The following CIMAP1B variants were observed in gnomAD, a reference collection of about 807,000 sequenced individuals.
The protein encoded by CIMAP1B is ciliary microtubule associated protein 1B, also known as orf2 5' to PD-ECGF/TP.
the CIMAP1B span, chr22:50,531,414 G>T: frequency 9.1e-7 from 1 of 1,094,398 alleles, no homozygotes; most frequent in Non-Finnish European, 1.3e-6. Context: ...GCCCCGTGGG[G>T]TTCGGGGTTT....
At chr22:50,532,142 T>C in the CIMAP1B span, 2 of 1,319,452 alleles carry the variant, frequency 1.5e-6, no homozygotes, top group African/African-American at 1.5e-5. Context: ...CCGCGGCCCC[T>C]GCACCGCAAA....
the CIMAP1B span, chr22:50,531,631 G>A: frequency 7.2e-7 from 1 of 1,387,426 alleles, no homozygotes; most frequent in Non-Finnish European, 9.3e-7. Context: ...AGTAGGCGGG[G>A]GCGCCGTCGG....
chr22:50,531,085 A>G, the CIMAP1B span: 3 of 1,597,686 alleles, frequency 1.9e-6, no homozygotes, highest in Non-Finnish European at 8.5e-7. Context: ...GCTCGGGGGT[A>G]GTGGGTCTCC....
the CIMAP1B span, chr22:50,531,165 T>C: frequency 6.3e-7 from 1 of 1,599,300 alleles, no homozygotes; most frequent in South Asian, 1.1e-5. Context: ...GGCCCACAGT[T>C]CTGGGATGGG....
At chr22:50,531,630 G>T in the CIMAP1B span, 1 of 1,387,494 alleles carries the variant, frequency 7.2e-7, no homozygotes, top group Non-Finnish European at 9.3e-7. Flanking sequence ...GAGTAGGCGG[G>T]GGCGCCGTCG....
At chr22:50,530,623 G>A in the CIMAP1B span, 1 of 1,566,912 alleles carries the variant, frequency 6.4e-7, no homozygotes, top group Non-Finnish European at 8.7e-7. Context: ...CGGGACCCCT[G>A]GACCCCCGGG....
chr22:50,531,417 C>T, the CIMAP1B span: 1 of 1,091,030 alleles, frequency 9.2e-7, no homozygotes, highest in African/African-American at 1.6e-5. Flanking sequence ...CCGTGGGGTT[C>T]GGGGTTTGGG....
At chr22:50,531,066 G>C in the CIMAP1B span, 1 of 1,607,602 alleles carries the variant, frequency 6.2e-7, no homozygotes, top group Non-Finnish European at 8.5e-7. Flanking sequence ...GACCTGGGGA[G>C]GAGGCAGGGC....
At chr22:50,530,730 C>T in the CIMAP1B span, 7 of 1,612,012 alleles carry the variant, frequency 4.3e-6, no homozygotes, top group Non-Finnish European at 5.1e-6. Context: ...CGTTGTAGGC[C>T]GCGGGCCCTG....
the CIMAP1B span, chr22:50,530,787 G>C: frequency 6.2e-7 from 1 of 1,607,286 alleles, no homozygotes; most frequent in East Asian, 2.2e-5. Flanking sequence ...CCAGAATCGT[G>C]AACTGGGGGG....
chr22:50,531,733 G>A, the CIMAP1B span: 1 of 1,370,978 alleles, frequency 7.3e-7, no homozygotes. Context: ...CGAAGGTGAA[G>A]GCGGGGGCGC....
At chr22:50,531,409 G>A in the CIMAP1B span, 4 of 1,101,312 alleles carry the variant, frequency 3.6e-6, no homozygotes, top group Non-Finnish European at 5.2e-6. Context: ...TCAAAGCCCC[G>A]TGGGGTTCGG....
At chr22:50,531,814 A>T in the CIMAP1B span, 147 of 1,344,164 alleles carry the variant, frequency 1.1e-4, no homozygotes, top group Non-Finnish European at 1.3e-4. Flanking sequence ...GCCCAGCCCC[A>T]AGCCCCATCT....
the CIMAP1B span, chr22:50,530,766 C>T: frequency 1.2e-6 from 2 of 1,608,852 alleles, no homozygotes; most frequent in East Asian, 2.2e-5. Flanking sequence ...CTTGGGGGAG[C>T]GAAGTCCGCG....
chr22:50,532,116 G>A, the CIMAP1B span: 1 of 1,339,258 alleles, frequency 7.5e-7, no homozygotes, highest in Non-Finnish European at 9.6e-7. Context: ...CAGCACCTGC[G>A]GACAGAAGGC....
the CIMAP1B span, chr22:50,531,773 C>T: frequency 1.5e-6 from 2 of 1,360,876 alleles, no homozygotes; most frequent in Non-Finnish European, 1.9e-6. Flanking sequence ...CAGGGCGTAG[C>T]CTGGGAGCAT....
the CIMAP1B span, chr22:50,530,858 AG>A: frequency 6.2e-7 from 1 of 1,604,866 alleles, no homozygotes; most frequent in Non-Finnish European, 8.5e-7. Context: ...GGGGTCTGCG[AG>A]AGGGCAGAGG....
the CIMAP1B span, chr22:50,531,992 T>G: frequency 7.4e-6 from 10 of 1,346,204 alleles, no homozygotes; most frequent in Non-Finnish European, 9.6e-6. Context: ...CAGCTTGTAT[T>G]TGGGCCCGGG....
chr22:50,531,549 C>T, the CIMAP1B span: 10 of 1,413,934 alleles, frequency 7.1e-6, no homozygotes, highest in Non-Finnish European at 9.2e-6. Context: ...TTGGGGTGGC[C>T]AGGGGCCCGG....
Sources: allele counts gnomAD v4.1 joint callset, GRCh38; gene constraint gnomAD v4.1.1; transcripts MANE v1.5; gene names NCBI Gene and HGNC (gene_info 2026-07-23, HGNC 2026-07-21).